The following EBF1 variants were observed in gnomAD, a reference collection of about 807,000 sequenced individuals.
The protein encoded by EBF1 is EBF transcription factor 1.
In EBF1, 10 loss-of-function variants were observed where a neutral mutation model predicts 68.4. The ratio of observed to expected loss-of-function variants is 0.15; its 90% CI spans 0.09 to 0.25. The LOEUF (loss-of-function observed/expected upper bound fraction) is 0.25. EBF1 is among the 10% of genes least tolerant of loss of function. The pLI, the probability that EBF1 is intolerant of heterozygous loss-of-function variation, is 1.00. For synonymous variants in EBF1, 298 were observed against 299.8 expected, an observed-to-expected ratio of 0.99 and a Z score of 0.06; for missense variants, 509 against 794.4, an observed-to-expected ratio of 0.64 and a Z score of 4.32.
intron 7 of EBF1, 108 bp downstream of exon 7, chr5:158,839,921 C>G (rs1789794623): frequency 9.6e-7 from 1 of 1,039,962 alleles, no homozygotes; most frequent in Admixed American, 1.9e-5. Context: ...GCCTCAGCTG[C>G]TCTTCACCTC....
chr5:158,910,221 T>C (rs1490606019), intron 6 of EBF1, among the ~76,000 whole-genome samples: 1 of 152,210 alleles, frequency 6.6e-6, no homozygotes, highest in Non-Finnish European at 1.5e-5. Flanking sequence ...GGAAACTCAC[T>C]GTTCCTATCA....
intron 6 of EBF1, among the ~76,000 whole-genome samples, chr5:158,992,673 G>A (rs1760575990): frequency 6.6e-6 from 1 of 152,018 alleles, no homozygotes; most frequent in Non-Finnish European, 1.5e-5. Context: ...TCAAGTTGTT[G>A]CAATTGTTTT....
chr5:158,909,118 GA>G (rs11297604), intron 6 of EBF1, among the ~76,000 whole-genome samples: 72,856 of 143,824 alleles, frequency 0.51, 18,603 homozygotes, highest in South Asian at 0.73. Flanking sequence ...ATGGGCAGCA[GA>G]AAAAAAAAAA....
intron 6 of EBF1, among the ~76,000 whole-genome samples, chr5:158,881,039 G>C (rs1798801392): frequency 6.6e-6 from 1 of 152,168 alleles, no homozygotes; most frequent in Non-Finnish European, 1.5e-5. Context: ...ACAGTAAAGA[G>C]AGGAAGGTTC....
chr5:158,850,418 G>T (rs965822295), intron 6 of EBF1, among the ~76,000 whole-genome samples: 63 of 152,262 alleles, frequency 4.1e-4, no homozygotes, highest in African/African-American at 1.4e-3. Flanking sequence ...AAAGTTCATT[G>T]AAGTACAGTT....
intron 15 of EBF1, among the ~76,000 whole-genome samples, chr5:158,707,275 TTTAAAAGGTGGGTAACCTTTTATTC>T (rs1758057403): frequency 6.6e-6 from 1 of 152,206 alleles, no homozygotes. Flanking sequence ...TGTGCTCAGT[TTTAAAAGGTGGGTAACCTTTTATTC>T]TTAATGAAAA....
At chr5:158,896,317 A>G (rs182926377) in intron 6 of EBF1, among the ~76,000 whole-genome samples, 63 of 152,288 alleles carry the variant, frequency 4.1e-4, no homozygotes, top group Admixed American at 2.9e-3. Context: ...ATTACCTATT[A>G]AATTGTAATC....
chr5:158,979,718 T>A (rs1483982623), intron 6 of EBF1, among the ~76,000 whole-genome samples: 1 of 150,602 alleles, frequency 6.6e-6, no homozygotes, highest in Non-Finnish European at 1.5e-5. Context: ...GAAATTCAAC[T>A]TTTTTTTTCT....
intron 6 of EBF1, among the ~76,000 whole-genome samples, chr5:159,002,034 T>C (rs947550557): frequency 6.6e-6 from 1 of 152,172 alleles, no homozygotes; most frequent in Admixed American, 6.5e-5. Flanking sequence ...AATTTTGTAA[T>C]GGTTGCAGGG....
At chr5:158,778,075 C>T (rs1775667047) in intron 9 of EBF1, among the ~76,000 whole-genome samples, 1 of 152,046 alleles carries the variant, frequency 6.6e-6, no homozygotes, top group Admixed American at 6.6e-5. Context: ...AAGAATCTGC[C>T]TCCCTGGAAT....
At chr5:158,877,449 C>T (rs1405290649) in intron 6 of EBF1, among the ~76,000 whole-genome samples, 5 of 151,546 alleles carry the variant, frequency 3.3e-5, no homozygotes, top group African/African-American at 1.2e-4. Context: ...AGCGTCCCAG[C>T]CAAGATCAAC....
chr5:158,742,572 C>T (rs1436229667), intron 10 of EBF1, among the ~76,000 whole-genome samples: 1 of 152,210 alleles, frequency 6.6e-6, no homozygotes, highest in Non-Finnish European at 1.5e-5. Context: ...ATATTCCCCA[C>T]TCTCAAGGAA....
At chr5:158,993,929 A>C (rs1760881586) in intron 6 of EBF1, among the ~76,000 whole-genome samples, 1 of 152,250 alleles carries the variant, frequency 6.6e-6, no homozygotes. Flanking sequence ...TCCTAGGTAA[A>C]TAGGCAGGCA....
Position 158,696,245 on chromosome 5 carries a change from C to A in EBF1, c.*2866G>T, listed in dbSNP as rs1405924241. 1 of 218,972 alleles carries A rather than the reference C, an allele frequency of 4.6e-6. No individual in the cohort carries two copies. Among genetic ancestry groups the A allele is most frequent in the Admixed American group, 5.8e-5 (1 of 17,302 alleles). 13.6% of individuals were successfully genotyped at this position (218,972 alleles called of 1,614,324 possible). On this transcript the variant is annotated 3_prime_UTR_variant, in exon 16 of 16. Transcript: ENST00000313708. ...TCTTCATTTCATTTTCTTCTTAAAG[C>A]CATATTCTGTATTTAGGGGAACATC...
At chr5:159,084,958 A>T (rs12521604) in intron 4 of EBF1, among the ~76,000 whole-genome samples, 57,544 of 151,916 alleles carry the variant, frequency 0.38, 11,142 homozygotes, top group East Asian at 0.52. Context: ...GCCATGATGC[A>T]CATCTCTGGA....
At position 158,803,983 on chromosome 5, in the gene EBF1, ATGTT is replaced by A. The variant is rs1406966723; in HGVS notation, c.779-7512_779-7509del. 3.1e-5 allele frequency among the ~76,000 whole-genome samples: 4 copies of A among 129,390 alleles called. No homozygotes were observed. In the East Asian group the frequency reaches 8.9e-4, roughly 29 times the overall value. 84.9% of individuals were successfully genotyped at this position (129,390 alleles called of 152,430 possible). A position where few individuals can be genotyped will look rare whatever the true frequency, so the allele number is the denominator to read the frequency against. On this transcript the variant is annotated intron_variant, in intron 8 of 15. Transcript: ENST00000313708. ...GTGTGTGTGTGTGTGTGTGTGTGTGATGTTTGTCACTTTAAGGAGAAATGTAACC... is the reference window on the plus strand; with the variant it reads ...GTGTGTGTGTGTGTGTGTGTGTGTGATGTCACTTTAAGGAGAAATGTAACC...
intron 6 of EBF1, among the ~76,000 whole-genome samples, chr5:158,956,672 G>C (rs185541690): frequency 6.6e-6 from 1 of 151,424 alleles, no homozygotes; most frequent in Admixed American, 6.6e-5. Flanking sequence ...TTATAGAAAG[G>C]TTCCAATGGA....
At chr5:158,931,965 G>C (rs989064998) in intron 6 of EBF1, among the ~76,000 whole-genome samples, 2 of 152,062 alleles carry the variant, frequency 1.3e-5, no homozygotes, top group African/African-American at 2.4e-5. Flanking sequence ...CTTACCTTTA[G>C]CAACCAGCCA....
chr5:158,889,468 C>T (rs773925282), intron 6 of EBF1, among the ~76,000 whole-genome samples: 54 of 152,010 alleles, frequency 3.6e-4, no homozygotes, highest in Non-Finnish European at 6.2e-4. Context: ...ATGTTATATA[C>T]AGGAAAAATT....
Sources: gnomAD v4.1 joint callset for allele counts (sites outside exome capture counted in the v4.1 genomes callset) on GRCh38, gnomAD v4.1.1 for gene constraint, MANE v1.5 for transcripts, NCBI Gene and HGNC (gene_info 2026-07-23, HGNC 2026-07-21) for gene names.